PIK3C2G: variants seen among roughly 807,000 people sequenced by gnomAD.
PIK3C2G encodes the protein phosphatidylinositol 3-kinase C2 domain-containing subunit gamma.
A neutral mutation model predicts 181.1 loss-of-function variants in PIK3C2G; 168 were observed. The ratio of observed to expected loss-of-function variants is 0.93; its 90% CI spans 0.82 to 1.05. PIK3C2G has a LOEUF of 1.05. Among genes scored for constraint, PIK3C2G ranks in the 50% least tolerant of loss-of-function variants. The pLI is 0.00. For missense variants in PIK3C2G, 1,869 were observed against 1,732.8 expected (o/e 1.08, Z -1.40); for synonymous variants, 573 against 592.2 (o/e 0.97, Z 0.47).
At chr12:18,435,027 T>C (rs71461093) in intron 18 of PIK3C2G, among the ~76,000 whole-genome samples, 1,600 of 151,998 alleles carry the variant, frequency 0.011, 14 homozygotes, top group Non-Finnish European at 0.017. Flanking sequence ...TATTAAGATA[T>C]TTATGTAGCC....
intron 1 of PIK3C2G, among the ~76,000 whole-genome samples, chr12:18,278,259 G>T (rs978583177): frequency 6.6e-6 from 1 of 152,126 alleles, no homozygotes. Context: ...GAGGCTCCAA[G>T]GTAGAGATCC....
At chr12:18,572,677 C>A (rs546444490) in intron 29 of PIK3C2G, among the ~76,000 whole-genome samples, 1 of 151,774 alleles carries the variant, frequency 6.6e-6, no homozygotes, top group Non-Finnish European at 1.5e-5. Flanking sequence ...TTGCTTGTAC[C>A]ATTTCTTCTC....
At chr12:18,511,918 A>C (rs1942236596) in intron 24 of PIK3C2G, among the ~76,000 whole-genome samples, 1 of 151,902 alleles carries the variant, frequency 6.6e-6, no homozygotes, top group East Asian at 1.9e-4. Flanking sequence ...ATTTCCCCTT[A>C]TGTCTTCTTC....
the PIK3C2G span, among the ~76,000 whole-genome samples, chr12:18,689,613 A>C: frequency 6.6e-6 from 1 of 152,174 alleles, no homozygotes; most frequent in Non-Finnish European, 1.5e-5. Context: ...TTGTTTGTAC[A>C]GGAGCCAATG....
chr12:18,616,716 T>C (rs1469924448), intron 31 of PIK3C2G, among the ~76,000 whole-genome samples: 1 of 152,048 alleles, frequency 6.6e-6, no homozygotes, highest in East Asian at 1.9e-4. Flanking sequence ...TTTTACATTC[T>C]GACCTAAAAA....
chr12:18,384,409 G>T lies in PIK3C2G; in HGVS notation c.1995+2529G>T, dbSNP rs182470517. Among the ~76,000 whole-genome samples, 626 of 152,244 alleles carry T rather than the reference G, an allele frequency of 4.1e-3. 3 individuals carry two copies. The highest frequency in any genetic ancestry group is 0.014 in the African/African-American group (599 of 41,544). On this transcript the variant is annotated intron_variant, in intron 14 of 32. Transcript: ENST00000538779. Reference sequence around the variant, plus strand: ...CTTGCATTTTATATAGGCCTGTGGGGTGTGTAAGTGTAGATATAAGTGATC... The same window carrying T: ...CTTGCATTTTATATAGGCCTGTGGGTTGTGTAAGTGTAGATATAAGTGATC...
chr12:18,570,852 C>G (rs1302172239), intron 29 of PIK3C2G, among the ~76,000 whole-genome samples: 1 of 150,590 alleles, frequency 6.6e-6, no homozygotes, highest in Non-Finnish European at 1.5e-5. Flanking sequence ...TCAAGGAGCT[C>G]GAAGGCAGAG....
At chr12:18,451,259 T>C (rs62078656) in intron 18 of PIK3C2G, among the ~76,000 whole-genome samples, 10 of 152,178 alleles carry the variant, frequency 6.6e-5, no homozygotes, top group Non-Finnish European at 7.3e-5. Context: ...CCCTGAGCGG[T>C]GGTTTGTAGT....
At chr12:18,384,654 A>C (rs1943055115) in intron 14 of PIK3C2G, among the ~76,000 whole-genome samples, 1 of 152,192 alleles carries the variant, frequency 6.6e-6, no homozygotes. Context: ...CAGATGAGGT[A>C]AATAGTTCCT....
intron 31 of PIK3C2G, among the ~76,000 whole-genome samples, chr12:18,617,773 A>G (rs751557064): frequency 2.0e-5 from 3 of 152,172 alleles, no homozygotes; most frequent in Non-Finnish European, 4.4e-5. Flanking sequence ...GATAGTGGCT[A>G]CATTGTACTT....
In PIK3C2G at chr12:18,371,268, G is replaced by A. The variant is rs1942042035; in HGVS notation, c.1837G>A (p.Ala613Thr). Residue 613 changes from alanine to threonine, a missense_variant, in exon 13 of 33, where the codon GCA becomes ACA. By Grantham distance (58) the Ala-to-Thr change is moderately conservative. Coordinates refer to ENST00000538779, the MANE Select transcript of PIK3C2G (RefSeq NM_001288772.2). ...TGGGATTGCCTGTGCAACCAACAAT[G>A]CAAATTTACTGGCGTGGACTTGTCT... is the stretch of plus-strand genomic sequence containing the variant. ...LFGIACATNN[A>T]NLLAWTCLPL... is the part of the protein sequence containing the mutation. 1 of 1,612,104 alleles carries A rather than the reference G, an allele frequency of 6.2e-7. No individual in the cohort carries two copies. Among genetic ancestry groups the A allele is most frequent in the African/African-American group, 1.3e-5 (1 of 74,878 alleles).
chr12:18,456,807 G>A (rs1365219043), intron 18 of PIK3C2G, among the ~76,000 whole-genome samples: 2 of 151,982 alleles, frequency 1.3e-5, no homozygotes, highest in African/African-American at 4.8e-5. Flanking sequence ...AATAATTTGG[G>A]GGCTGCTTTT....
intron 5 of PIK3C2G, among the ~76,000 whole-genome samples, chr12:18,311,220 A>G (rs1950622797): frequency 6.6e-6 from 1 of 152,060 alleles, no homozygotes; most frequent in Admixed American, 6.6e-5. Flanking sequence ...ACACACACAC[A>G]CGAGGACATA....
Position 18,286,848 on chromosome 12 carries a change from C to A in PIK3C2G, c.680C>A (p.Ser227Ter). ...WESTWQKNIE[S>*]IGCSIQLVEV... ...TAATTTAGTAGATTTTATTTTAAGT[C>A]AATAGGTTGTTCCATTCAGCTAGTG... Residue 227 changes from serine (S) to a stop codon, truncating the protein, a stop_gained and splice_region_variant, in exon 3 of 33, where the codon TCA (serine) becomes TAA (stop). Coordinates refer to ENST00000538779, the MANE Select transcript of PIK3C2G (RefSeq NM_001288772.2). LOFTEE classifies it high-confidence loss of function. 1 of 1,476,412 alleles carries A rather than the reference C, an allele frequency of 6.8e-7. No homozygotes were observed. The allele number at this position is 1,476,412 out of a possible 1,614,324, so 91.5% of individuals were successfully genotyped here.
At chr12:18,634,913 C>G (rs1209530788) in intron 31 of PIK3C2G, among the ~76,000 whole-genome samples, 1 of 152,162 alleles carries the variant, frequency 6.6e-6, no homozygotes, top group Non-Finnish European at 1.5e-5. Flanking sequence ...TGCTACCTCC[C>G]CAATCTTCTT....
chr12:18,496,114 A>G lies in PIK3C2G; in HGVS notation c.2846A>G (p.Asn949Ser). Residue 949 changes from asparagine to serine, a missense_variant, in exon 21 of 33, where the codon AAT (asparagine) becomes AGT (serine). Asn to Ser is a conservative substitution (Grantham distance 46). Coordinates refer to ENST00000538779, the MANE Select transcript of PIK3C2G (RefSeq NM_001288772.2). ...NALPLKITFI[N>S]ANPMGKNISI... ...TTGCCATTGAAGATTACTTTCATCA[A>G]TGCTAATCCGATGGGCAAAAACATC... is the stretch of plus-strand genomic sequence containing the variant. 1 of 1,546,988 alleles carries G rather than the reference A, an allele frequency of 6.5e-7. No individual in the cohort carries two copies. The highest frequency in any genetic ancestry group is 2.0e-5 in the Admixed American group (1 of 50,192).
At chr12:18,273,963 A>AAAC (rs1386223462) in intron 1 of PIK3C2G, among the ~76,000 whole-genome samples, 3 of 151,934 alleles carry the variant, frequency 2.0e-5, no homozygotes, top group Non-Finnish European at 4.4e-5. Flanking sequence ...TACAAGAAAA[A>AAAC]AAACAACCCC....
intron 12 of PIK3C2G, among the ~76,000 whole-genome samples, chr12:18,364,689 G>T (rs1025727706): frequency 2.0e-5 from 3 of 152,114 alleles, no homozygotes; most frequent in Non-Finnish European, 4.4e-5. Flanking sequence ...CTTGAGGTCA[G>T]AAGTTTGAGA....
intron 24 of PIK3C2G, among the ~76,000 whole-genome samples, chr12:18,525,914 T>G (rs892710715): frequency 6.6e-6 from 1 of 152,204 alleles, no homozygotes; most frequent in African/African-American, 2.4e-5. Context: ...CACAACGTTG[T>G]TTAAACACTC....
Sources: allele counts gnomAD v4.1 joint callset (sites outside exome capture counted in the v4.1 genomes callset), GRCh38; gene constraint gnomAD v4.1.1; transcripts MANE v1.5; gene names NCBI Gene and HGNC (gene_info 2026-07-23, HGNC 2026-07-21).